NXPE1: variants seen among roughly 807,000 people sequenced by gnomAD.
NXPE1 encodes the protein neurexophilin and PC-esterase domain family member 1, also known as NXPE family member 1.
NXPE1 carries 31 observed loss-of-function variants against 33.3 expected under a neutral mutation model. The ratio of observed to expected loss-of-function variants is 0.93; its 90% CI spans 0.70 to 1.26. NXPE1 has a LOEUF of 1.26. NXPE1 is among the 50% of genes most tolerant of loss of function. NXPE1 has a pLI of 0.00. For missense variants in NXPE1, 661 were observed against 655.6 expected (o/e 1.01, Z -0.09); for synonymous variants, 229 against 231.4 (o/e 0.99, Z 0.09).
rs142403291 is a variant in NXPE1 at position 114,540,837 on chromosome 11, C to CTTTTTT, written c.100-9935_100-9930dup. ...TAGCTAAAACACAATAGAAAGCCAT[C>CTTTTTT]TTTTTTTTTTTTTTTTTTTTTTTTT... On this transcript the variant is annotated intron_variant, in intron 5 of 8. Transcript: ENST00000534921. Among the ~76,000 whole-genome samples the CTTTTTT allele has an allele frequency of 1.1e-3, 51 of 47,472 alleles. 15 individuals are homozygous for CTTTTTT. The highest frequency in any genetic ancestry group is 2.0e-3 in the Non-Finnish European group (43 of 21,470). 31.1% of individuals were successfully genotyped at this position (47,472 alleles called of 152,430 possible). A position where few individuals can be genotyped will look rare whatever the true frequency, so the allele number is the denominator to read the frequency against.
exon 6 of NXPE1, chr11:114,530,630 G>T (rs764666956): frequency 9.3e-6 from 15 of 1,613,998 alleles, no homozygotes; most frequent in Non-Finnish European, 5.1e-6. Flanking sequence ...GTCCCAAGTG[G>T]TCCCTCACCT....
intron 1 of NXPE1, among the ~76,000 whole-genome samples, chr11:114,553,197 C>T (rs1440073937): frequency 6.6e-6 from 1 of 152,134 alleles, no homozygotes; most frequent in African/African-American, 2.4e-5. Context: ...CTTATAGTCT[C>T]GTATGCATAT....
intron 5 of NXPE1, among the ~76,000 whole-genome samples, chr11:114,532,784 G>C (rs1285226332): frequency 6.6e-6 from 1 of 152,084 alleles, no homozygotes. Context: ...ACAGGTGTGT[G>C]TGCATTTGTC....
chr11:114,535,824 A>T (rs545168405), intron 5 of NXPE1, among the ~76,000 whole-genome samples: 2 of 152,270 alleles, frequency 1.3e-5, no homozygotes, highest in South Asian at 2.1e-4. Context: ...CTCCGACACA[A>T]TAATAATGGG....
At chr11:114,540,257 A>G (rs1422260089) in intron 5 of NXPE1, among the ~76,000 whole-genome samples, 1 of 152,228 alleles carries the variant, frequency 6.6e-6, no homozygotes, top group Non-Finnish European at 1.5e-5. Context: ...TGCCCGGCCA[A>G]TAAATCCAAT....
At chr11:114,538,898 T>A (rs968247638) in intron 5 of NXPE1, among the ~76,000 whole-genome samples, 5 of 152,218 alleles carry the variant, frequency 3.3e-5, no homozygotes, top group Non-Finnish European at 7.4e-5. Context: ...GATCTAGAAC[T>A]AGAAATACCA....
exon 9 of NXPE1, chr11:114,521,702 C>A: frequency 2.7e-6 from 1 of 370,752 alleles, no homozygotes; most frequent in African/African-American, 2.1e-5. Flanking sequence ...ATTTTCAAAT[C>A]AGCTTAATAA....
intron 5 of NXPE1, among the ~76,000 whole-genome samples, chr11:114,543,640 A>C (rs1177014095): frequency 3.3e-5 from 5 of 152,160 alleles, no homozygotes; most frequent in African/African-American, 1.2e-4. Flanking sequence ...GGTACTTAAT[A>C]ATGAGAGATT....
chr11:114,538,506 G>C (rs538108826), intron 5 of NXPE1, among the ~76,000 whole-genome samples: 1 of 152,170 alleles, frequency 6.6e-6, no homozygotes, highest in African/African-American at 2.4e-5. Flanking sequence ...TACAAAATGG[G>C]AGAAAATTTT....
rs147983542 is a variant in NXPE1, at chr11:114,522,057, T to C, written c.1555A>G (p.Met519Val). Residue 519 changes from methionine to valine, a missense_variant, in exon 9 of 9, where the codon ATG (methionine) becomes GTG (valine). Met to Val is a conservative substitution (Grantham distance 21). Transcript: ENST00000534921. The stretch of plus-strand genomic sequence containing the variant: ...GTGTCAGTGCCATATGCAATGGTCA[T>C]GTCCCAGGCATCAATGATGCCCACG... 5.6e-6 allele frequency: 9 copies of C among 1,613,542 alleles called. No individual in the cohort carries two copies. In the East Asian group the frequency reaches 8.9e-5, roughly 16 times the overall value.
At chr11:114,537,767 C>T (rs1947894344) in intron 5 of NXPE1, among the ~76,000 whole-genome samples, 1 of 151,612 alleles carries the variant, frequency 6.6e-6, no homozygotes, top group East Asian at 1.9e-4. Flanking sequence ...AACCACTGCT[C>T]AATGAAATAA....
chr11:114,519,415 T>G (rs1310691418), downstream of NXPE1, among the ~76,000 whole-genome samples: 1 of 152,184 alleles, frequency 6.6e-6, no homozygotes, highest in Non-Finnish European at 1.5e-5. Flanking sequence ...TTTAATAAAG[T>G]TCTCTTTGGG....
intron 1 of NXPE1, among the ~76,000 whole-genome samples, chr11:114,554,950 G>A (rs1295564101): frequency 6.6e-6 from 1 of 152,008 alleles, no homozygotes; most frequent in African/African-American, 2.4e-5. Flanking sequence ...CTTCCTGGAT[G>A]ACCTCAAGGT....
chr11:114,523,183 C>A, intron 7 of NXPE1, 92 bp from the exon 8 acceptor site: 1 of 898,920 alleles, frequency 1.1e-6, no homozygotes, highest in Non-Finnish European at 1.8e-6. Context: ...CTCTCTTTCC[C>A]CCTTCCTGTA....
chr11:114,544,574 A>C (rs1015833110), intron 5 of NXPE1, among the ~76,000 whole-genome samples: 2 of 152,186 alleles, frequency 1.3e-5, no homozygotes, highest in African/African-American at 4.8e-5. Context: ...AGAAAAGTTA[A>C]CTCTAAATGG....
chr11:114,539,878 G>A (rs1386972061), intron 5 of NXPE1, among the ~76,000 whole-genome samples: 1 of 151,852 alleles, frequency 6.6e-6, no homozygotes, highest in Non-Finnish European at 1.5e-5. Flanking sequence ...ATTGTATCAA[G>A]AAAATGGTTT....
intron 5 of NXPE1, among the ~76,000 whole-genome samples, chr11:114,540,940 G>A (rs972788230): frequency 7.3e-6 from 1 of 136,610 alleles, no homozygotes; most frequent in South Asian, 2.3e-4. Flanking sequence ...GGATGGAGGG[G>A]GAAATCCCAG....
At chr11:114,538,002 G>T (rs1389534396) in intron 5 of NXPE1, among the ~76,000 whole-genome samples, 1 of 152,180 alleles carries the variant, frequency 6.6e-6, no homozygotes, top group African/African-American at 2.4e-5. Flanking sequence ...CAAAGCTGGA[G>T]GCATCCCGCT....
chr11:114,558,809 C>T (rs1948714948), intron 1 of NXPE1, among the ~76,000 whole-genome samples: 2 of 152,128 alleles, frequency 1.3e-5, no homozygotes, highest in Admixed American at 1.3e-4. Context: ...TGCCCTATGT[C>T]CAAGCAATTC....
Sources: allele counts gnomAD v4.1 joint callset (sites outside exome capture counted in the v4.1 genomes callset), GRCh38; gene constraint gnomAD v4.1.1; transcripts MANE v1.5; gene names NCBI Gene and HGNC (gene_info 2026-07-23, HGNC 2026-07-21).